Variants in KIAA1549 observed in about 807,000 individuals in gnomAD.
KIAA1549 encodes UPF0606 protein KIAA1549.
KIAA1549 carries 70 observed loss-of-function variants against 156.4 expected under a neutral mutation model. The ratio of observed to expected loss-of-function variants is 0.45; its 90% confidence interval spans 0.37 to 0.55. The LOEUF (loss-of-function observed/expected upper bound fraction) is 0.55. Among genes scored for constraint, KIAA1549 ranks in the 20% least tolerant of loss-of-function variants. The pLI, the probability that KIAA1549 is intolerant of heterozygous loss-of-function variation, is 0.00. For missense variants in KIAA1549, 2,428 were observed against 2,540.9 expected, an observed-to-expected ratio of 0.96 and a Z score of 0.96; for synonymous variants, 1,103 against 1,066.4, an observed-to-expected ratio of 1.03 and a Z score of -0.67.
Position 138,917,388 on chromosome 7 carries a change from T to A in KIAA1549, c.2238A>T (p.Ser746=), listed in dbSNP as rs755627145. 1 of 1,613,786 alleles carries A rather than the reference T, an allele frequency of 6.2e-7. No homozygotes were observed. The highest frequency in any genetic ancestry group is 8.5e-7 in the Non-Finnish European group (1 of 1,179,846). The change falls in exon 2 of 20, where the codon TCA becomes TCT. Residue 746 remains serine (S), a synonymous_variant. Transcript: ENST00000422774. ...GATAGGAGGTAGTTTCAATGAAAGC[T>A]GAGGTAAAATGAGCTTCTGAATCCG... ...SLTDSEAHFT[S]AFIETTSYLE...
At position 138,868,142 on chromosome 7, in the gene KIAA1549, G is replaced by T; in HGVS notation, c.4776-14C>A. On this transcript the variant is annotated splice_polypyrimidine_tract_variant and intron_variant, in intron 14 of 19. Transcript: ENST00000422774. ...TTTATCCGTGAGCTGCCAGGAAAAA[G>T]AGAAATTATCTTCGTAGGAAATCAC... 6.2e-7 allele frequency: 1 copy of T among 1,609,634 alleles called. No homozygotes were observed. The highest frequency in any genetic ancestry group is 8.5e-7 in the Non-Finnish European group (1 of 1,178,392).
intron 15 of KIAA1549, among the ~76,000 whole-genome samples, chr7:138,867,278 G>A (rs542240974): frequency 5.3e-5 from 8 of 152,278 alleles, no homozygotes; most frequent in South Asian, 2.1e-4. Flanking sequence ...CTTGATCACA[G>A]GGTCATGCCC....
rs79669839 is a variant in KIAA1549 at position 138,905,514 on chromosome 7, A to G, written c.3461-433T>C. Among the ~76,000 whole-genome samples, 655 of 152,354 alleles carry G rather than the reference A, an allele frequency of 4.3e-3. 7 individuals are homozygous for G. The highest frequency in any genetic ancestry group is 0.015 in the African/African-American group (619 of 41,586). On this transcript the variant is annotated intron_variant, in intron 6 of 19. Transcript: ENST00000422774. ...TTTTAGCCATACACACACTGAGCAC[A>G]ACTGAAAGCGGCTCTTTGTAAATAA...
At position 138,832,211 on chromosome 7, in the gene KIAA1549, T is replaced by TTTTTTTTTTTTTTTTTTTA. The variant is rs1563039507; in HGVS notation, c.*5694_*5695insTAAAAAAAAAAAAAAAAAA. 1 of 182,294 alleles carries TTTTTTTTTTTTTTTTTTTA rather than the reference T, an allele frequency of 5.5e-6. No individual in the cohort carries two copies. Among genetic ancestry groups the TTTTTTTTTTTTTTTTTTTA allele is most frequent in the Non-Finnish European group, 1.1e-5 (1 of 92,492 alleles). 11.3% of individuals were successfully genotyped at this position (182,294 alleles called of 1,614,324 possible). A position where few individuals can be genotyped will look rare whatever the true frequency, so the allele number is the denominator to read the frequency against. On this transcript the variant is annotated 3_prime_UTR_variant, in exon 20 of 20. Transcript: ENST00000422774. ...TATTCCTTTTTTTTTTTTTTTTTTT[T>TTTTTTTTTTTTTTTTTTTA]CCAGAGACAGGACCTCACCCTGCAG...
intron 8 of KIAA1549, among the ~76,000 whole-genome samples, chr7:138,903,132 G>A (rs1232363176): frequency 1.3e-5 from 2 of 152,058 alleles, no homozygotes; most frequent in Admixed American, 1.3e-4. Context: ...CATGGAAGCC[G>A]AGAAGATGAA....
intron 1 of KIAA1549, among the ~76,000 whole-genome samples, chr7:138,939,374 ATG>A (rs1351961601): frequency 6.6e-6 from 1 of 152,144 alleles, no homozygotes; most frequent in Non-Finnish European, 1.5e-5. Context: ...CTTTTGGTTC[ATG>A]TGTCTCTTAG....
At chr7:138,886,033 G>A (rs1811382629) in intron 10 of KIAA1549, among the ~76,000 whole-genome samples, 1 of 152,014 alleles carries the variant, frequency 6.6e-6, no homozygotes, top group Non-Finnish European at 1.5e-5. Context: ...CCCCAAATTC[G>A]GTCACAGAAG....
In KIAA1549 at chr7:138,837,785, T is replaced by C; in HGVS notation, c.*121A>G. On this transcript the variant is annotated 3_prime_UTR_variant, in exon 20 of 20. Coordinates refer to ENST00000422774, the MANE Select transcript of KIAA1549 (RefSeq NM_001164665.2). ...ATCTTCTAAATTGCAACTTGCTCCC[T>C]CCCTTGGGCAGGCTGCCCGAGAGTT... 1 of 1,171,808 alleles carries C rather than the reference T, an allele frequency of 8.5e-7. No homozygotes were observed. The highest frequency in any genetic ancestry group is 1.2e-6 in the Non-Finnish European group (1 of 844,368). The allele number at this position is 1,171,808 out of a possible 1,614,324, so 72.6% of individuals were successfully genotyped here. A position where few individuals can be genotyped will look rare whatever the true frequency, so the allele number is the denominator to read the frequency against.
intron 5 of KIAA1549, among the ~76,000 whole-genome samples, chr7:138,908,559 AAG>A (rs1313527617): frequency 6.6e-6 from 1 of 152,216 alleles, no homozygotes; most frequent in Non-Finnish European, 1.5e-5. Flanking sequence ...CCATTTTGGA[AAG>A]AGAGAGGAAA....
intron 1 of KIAA1549, among the ~76,000 whole-genome samples, chr7:138,952,890 G>A (rs556773403): frequency 3.3e-5 from 5 of 152,304 alleles, no homozygotes; most frequent in Admixed American, 3.3e-4. Context: ...AGGCCTGGAG[G>A]CAAATAAGGA....
chr7:138,893,471 G>A (rs754633138), intron 10 of KIAA1549, among the ~76,000 whole-genome samples: 7 of 152,170 alleles, frequency 4.6e-5, no homozygotes, highest in Non-Finnish European at 1.0e-4. Context: ...AAACTGACAC[G>A]TCATGGGTGT....
intron 8 of KIAA1549, among the ~76,000 whole-genome samples, chr7:138,901,588 G>T (rs1476619580): frequency 6.6e-6 from 1 of 152,120 alleles, no homozygotes; most frequent in African/African-American, 2.4e-5. Context: ...GCCTCCCAAA[G>T]TGCTGGGATT....
In KIAA1549 at chr7:138,916,727, C is replaced by A. The variant is rs1958658; in HGVS notation, c.2878+21G>T. On this transcript the variant is annotated intron_variant, in intron 2 of 19. Coordinates refer to ENST00000422774, the MANE Select transcript of KIAA1549 (RefSeq NM_001164665.2). ...AGAAAGATTGCCCACCCCAGAGAGG[C>A]GGCAGGAAGCTGGGCCTTACCAGTT... The A allele has an allele frequency of 2.8e-5, 45 of 1,611,462 alleles. No homozygotes were observed. In the African/African-American group the frequency reaches 5.7e-4, roughly 21 times the overall value.
intron 8 of KIAA1549, among the ~76,000 whole-genome samples, chr7:138,899,782 G>A: frequency 6.6e-6 from 1 of 152,084 alleles, no homozygotes; most frequent in East Asian, 1.9e-4. Context: ...ACAGGTCTAT[G>A]GACAATAAAC....
At position 138,840,114 on chromosome 7, in the gene KIAA1549, C is replaced by A; in HGVS notation, c.5598+19G>T. 11 of 1,544,810 alleles carry A rather than the reference C, an allele frequency of 7.1e-6. No homozygotes were observed. The highest frequency in any genetic ancestry group is 2.5e-5 in the East Asian group (1 of 40,678). On this transcript the variant is annotated intron_variant, in intron 19 of 19. Transcript: ENST00000422774. The stretch of plus-strand genomic sequence containing the variant: ...CTATGTCTAAATTTTAAATGATGAC[C>A]CAAACAGGAGATACTCACGGCCTCT...
rs756162590 is a variant in KIAA1549, at chr7:138,881,593, T to TAC, written c.4033-11_4033-10dup. ...ACACTAGGGATCTGCAGCTGAAACA[T>TAC]ACACACACACAAACAAGATTGTTAA... On this transcript the variant is annotated splice_polypyrimidine_tract_variant and intron_variant, in intron 10 of 19. Coordinates refer to ENST00000422774, the MANE Select transcript of KIAA1549 (RefSeq NM_001164665.2). 2.5e-6 allele frequency: 4 copies of TAC among 1,606,906 alleles called. No homozygotes were observed. Among genetic ancestry groups the TAC allele is most frequent in the Non-Finnish European group, 1.7e-6 (2 of 1,175,386 alleles).
intron 1 of KIAA1549, among the ~76,000 whole-genome samples, chr7:138,926,171 T>C (rs1812712331): frequency 6.6e-6 from 1 of 152,372 alleles, no homozygotes; most frequent in Admixed American, 6.5e-5. Flanking sequence ...CTATGAAATC[T>C]ACTACAAAAC....
intron 1 of KIAA1549, among the ~76,000 whole-genome samples, chr7:138,962,695 T>C (rs538638543): frequency 1.2e-4 from 19 of 152,282 alleles, no homozygotes; most frequent in Admixed American, 1.0e-3. Flanking sequence ...TGACCCCAGC[T>C]GAGTTTCATG....
chr7:138,968,322 C>G (rs1584791259), intron 1 of KIAA1549, among the ~76,000 whole-genome samples: 1 of 152,048 alleles, frequency 6.6e-6, no homozygotes, highest in African/African-American at 2.4e-5. Context: ...CCTGCACGTC[C>G]TGCACATGTA....
Sources: gnomAD v4.1 joint callset for allele counts (sites outside exome capture counted in the v4.1 genomes callset) on GRCh38, gnomAD v4.1.1 for gene constraint, MANE v1.5 for transcripts, NCBI Gene and HGNC (gene_info 2026-07-23, HGNC 2026-07-21) for gene names.